Variants in RBM20 observed in about 807,000 individuals in gnomAD.
RBM20 encodes RNA-binding protein 20.
Under a neutral mutation model 110.1 loss-of-function variants are expected in RBM20, and 51 were observed. The ratio of observed to expected loss-of-function variants is 0.46; its 90% CI spans 0.37 to 0.59. The LOEUF (loss-of-function observed/expected upper bound fraction) is 0.59, where lower values mean the gene tolerates loss of function less well. RBM20 is among the 20% of genes least tolerant of loss of function. The pLI is 0.00. For synonymous variants in RBM20, 589 were observed against 618.2 expected, an observed-to-expected ratio of 0.95 and a Z score of 0.70; for missense variants, 1,512 against 1,574.9, an observed-to-expected ratio of 0.96 and a Z score of 0.68.
At chr10:110,698,769 A>G (rs1358016342) in intron 1 of RBM20, among the ~76,000 whole-genome samples, 46 of 152,142 alleles carry the variant, frequency 3.0e-4, no homozygotes, top group Admixed American at 3.0e-3. Flanking sequence ...TCAATTGCAA[A>G]TAGCCCCGCA....
At chr10:110,682,777 TA>T (rs1261503522) in intron 1 of RBM20, among the ~76,000 whole-genome samples, 2 of 152,250 alleles carry the variant, frequency 1.3e-5, no homozygotes, top group African/African-American at 4.8e-5. Flanking sequence ...TCAGGGGAGC[TA>T]CTGTAGGATT....
intron 1 of RBM20, among the ~76,000 whole-genome samples, chr10:110,711,102 T>A (rs1293974069): frequency 2.0e-5 from 3 of 151,676 alleles, no homozygotes; most frequent in South Asian, 2.1e-4. Context: ...GCCACCCCTA[T>A]CCAGTGGTGC....
chr10:110,742,225 C>T (rs1428115124), intron 1 of RBM20, among the ~76,000 whole-genome samples: 1 of 152,244 alleles, frequency 6.6e-6, no homozygotes, highest in Non-Finnish European at 1.5e-5. Flanking sequence ...ATCTACACCT[C>T]CTCATCAGAG....
intron 5 of RBM20, among the ~76,000 whole-genome samples, chr10:110,787,635 C>G (rs1451407000): frequency 6.6e-6 from 1 of 152,226 alleles, no homozygotes; most frequent in Non-Finnish European, 1.5e-5. Context: ...TGGGCAAGCA[C>G]AAGCTATCTG....
In RBM20 at chr10:110,783,360, A is replaced by C; in HGVS notation, c.1276-6A>C. 6.5e-7 allele frequency: 1 copy of C among 1,550,330 alleles called. No individual in the cohort carries two copies. The highest frequency in any genetic ancestry group is 8.7e-7 in the Non-Finnish European group (1 of 1,146,050). ...CTTTGGTCACTTTTCTTTCCTTCTG[A>C]CCTAGGACTGGGAGCTGCATGTGAA... On this transcript the variant is annotated splice_polypyrimidine_tract_variant and splice_region_variant and intron_variant, in intron 2 of 13. Coordinates refer to ENST00000369519, the MANE Select transcript of RBM20 (RefSeq NM_001134363.3).
At chr10:110,802,977 T>A (rs2135085860) in intron 7 of RBM20, among the ~76,000 whole-genome samples, 1 of 152,064 alleles carries the variant, frequency 6.6e-6, no homozygotes, top group East Asian at 1.9e-4. Context: ...TATTTGGCTT[T>A]AAGTATTTTT....
chr10:110,832,428 A>G (rs1428895121), intron 13 of RBM20, among the ~76,000 whole-genome samples: 1 of 152,238 alleles, frequency 6.6e-6, no homozygotes, highest in Admixed American at 6.5e-5. Flanking sequence ...TATTTCTAAA[A>G]TTCAGGTACT....
intron 1 of RBM20, among the ~76,000 whole-genome samples, chr10:110,726,328 A>G (rs935622487): frequency 6.6e-6 from 1 of 152,212 alleles, no homozygotes; most frequent in Non-Finnish European, 1.5e-5. Flanking sequence ...TCTCCGTACT[A>G]GAGCACTTTC....
At chr10:110,776,394 G>C (rs1844264692) in intron 1 of RBM20, among the ~76,000 whole-genome samples, 1 of 152,148 alleles carries the variant, frequency 6.6e-6, no homozygotes, top group Admixed American at 6.5e-5. Flanking sequence ...TACAGTTCTG[G>C]AGGCCATAAG....
intron 1 of RBM20, among the ~76,000 whole-genome samples, chr10:110,716,313 A>C (rs897279080): frequency 1.3e-5 from 2 of 152,108 alleles, no homozygotes; most frequent in Non-Finnish European, 2.9e-5. Context: ...CTGCAACTGC[A>C]TACCACCCTC....
At chr10:110,825,727 C>T (rs897396045) in intron 12 of RBM20, among the ~76,000 whole-genome samples, 1 of 152,228 alleles carries the variant, frequency 6.6e-6, no homozygotes, top group Non-Finnish European at 1.5e-5. Flanking sequence ...GCTGTCTGCT[C>T]TTTTTCCCAT....
intron 5 of RBM20, among the ~76,000 whole-genome samples, chr10:110,789,319 C>T (rs1179608063): frequency 6.6e-6 from 1 of 152,174 alleles, no homozygotes; most frequent in Admixed American, 6.5e-5. Context: ...GCCACCAAGC[C>T]CTTCTGGGGA....
At chr10:110,778,296 T>C (rs941651643) in intron 1 of RBM20, among the ~76,000 whole-genome samples, 32 of 152,244 alleles carry the variant, frequency 2.1e-4, no homozygotes, top group African/African-American at 6.5e-4. Flanking sequence ...TAGGCAATTT[T>C]TGATTTTTCA....
intron 1 of RBM20, among the ~76,000 whole-genome samples, chr10:110,734,618 C>CATTTTTTTTTTTTTT (rs34824300): frequency 2.9e-5 from 4 of 136,532 alleles, no homozygotes; most frequent in Non-Finnish European, 3.1e-5. Context: ...AAAATTCCCT[C>CATTTTTTTTTTTTTT]TTTTTTTTTT....
chr10:110,831,445 C>T (rs1051846510), intron 13 of RBM20: 14 of 383,806 alleles, frequency 3.6e-5, no homozygotes, highest in African/African-American at 2.4e-4. Flanking sequence ...TGGTGGCTAC[C>T]TCCTGTGTTG....
intron 7 of RBM20, among the ~76,000 whole-genome samples, chr10:110,807,401 C>T (rs1029041748): frequency 6.6e-6 from 1 of 152,216 alleles, no homozygotes; most frequent in African/African-American, 2.4e-5. Context: ...ACCTCTTTGA[C>T]CCCTGGGAAA....
In RBM20 at chr10:110,837,635, T is replaced by C. The variant is rs1845149591; in HGVS notation, c.*1657T>C. On this transcript the variant is annotated 3_prime_UTR_variant, in exon 14 of 14. Coordinates refer to ENST00000369519, the MANE Select transcript of RBM20 (RefSeq NM_001134363.3). ...CTGTACATTCTGTCCTCTGTACTAA[T>C]GGAGGAAGGGCAGAGAGATTAGTTC... 6.6e-6 allele frequency: 1 copy of C among 152,178 alleles called. No homozygotes were observed. The highest frequency in any genetic ancestry group is 6.5e-5 in the Admixed American group (1 of 15,274). The allele number at this position is 152,178 out of a possible 1,614,324, so 9.4% of individuals were successfully genotyped here.
At chr10:110,732,459 C>T (rs977293290) in intron 1 of RBM20, among the ~76,000 whole-genome samples, 1 of 152,174 alleles carries the variant, frequency 6.6e-6, no homozygotes, top group Non-Finnish European at 1.5e-5. Flanking sequence ...CCCACCAATC[C>T]TGACTTCTGA....
intron 10 of RBM20, among the ~76,000 whole-genome samples, chr10:110,820,828 C>G (rs1844899418): frequency 6.6e-6 from 1 of 152,066 alleles, no homozygotes; most frequent in African/African-American, 2.4e-5. Flanking sequence ...TAGAAGGGGC[C>G]TAGTAGAAGC....
Sources: gnomAD v4.1 joint callset for allele counts (sites outside exome capture counted in the v4.1 genomes callset) on GRCh38, gnomAD v4.1.1 for gene constraint, MANE v1.5 for transcripts, NCBI Gene and HGNC (gene_info 2026-07-23, HGNC 2026-07-21) for gene names.